The following CFAP54 variants were observed in gnomAD, a reference collection of about 807,000 sequenced individuals.
The protein encoded by CFAP54 is cilia and flagella associated protein 54, also known as cilia- and flagella-associated protein 54.
In CFAP54, 290 loss-of-function variants were observed where a neutral mutation model predicts 370.4. The ratio of observed to expected loss-of-function variants is 0.78; its 90% CI spans 0.71 to 0.86. The LOEUF (loss-of-function observed/expected upper bound fraction) is 0.86, where lower values mean the gene tolerates loss of function less well. CFAP54 is among the 40% of genes least tolerant of loss of function. The probability of loss-of-function intolerance (pLI) is 0.00; values close to 1 mark genes in which losing one functional copy is unlikely to be tolerated. For missense variants in CFAP54, 3,399 were observed against 3,528.7 expected, an observed-to-expected ratio of 0.96 and a Z score of 0.93; for synonymous variants, 1,206 against 1,236.5, an observed-to-expected ratio of 0.98 and a Z score of 0.52.
intron 14 of CFAP54, among the ~76,000 whole-genome samples, chr12:96,544,985 C>T (rs1210025942): frequency 6.6e-6 from 1 of 152,062 alleles, no homozygotes; most frequent in African/African-American, 2.4e-5. Flanking sequence ...GATCTTGGCT[C>T]ACTGCAGCCT....
At chr12:96,544,909 CTTT>C (rs769543854) in intron 14 of CFAP54, among the ~76,000 whole-genome samples, 3 of 142,320 alleles carry the variant, frequency 2.1e-5, no homozygotes, top group Admixed American at 7.0e-5. Context: ...TCTTCCTTTT[CTTT>C]TTTTTTTTTT....
chr12:96,643,856 T>A (rs1363373362), intron 32 of CFAP54, among the ~76,000 whole-genome samples: 2 of 152,202 alleles, frequency 1.3e-5, no homozygotes, highest in African/African-American at 2.4e-5. Context: ...GGACATCATA[T>A]CCTAATTTTG....
intron 67 of CFAP54, 79 bp downstream of exon 67, chr12:96,861,031 A>G: frequency 9.1e-7 from 1 of 1,103,804 alleles, no homozygotes; most frequent in Non-Finnish European, 1.2e-6. Flanking sequence ...TTATAACAAC[A>G]AACATAAAAT....
Position 96,740,029 on chromosome 12 carries a change from G to A in CFAP54, c.7039G>A (p.Asp2347Asn), listed in dbSNP as rs1318105810. ...KLFEKKVVQD[D>N]TENPVSPGTS... Reference sequence around the variant, plus strand: ...TTTTGAAAAGAAGGTAGTACAGGATGACACAGAGAATCCTGTCTCTCCAGG... The same window carrying A: ...TTTTGAAAAGAAGGTAGTACAGGATAACACAGAGAATCCTGTCTCTCCAGG... Residue 2347 changes from aspartate (D) to asparagine (N), a missense_variant, in exon 51 of 68, where the codon GAC becomes AAC. Physicochemically the swap from Asp to Asn is conservative, Grantham distance 23 (BLOSUM62 1). Transcript: ENST00000524981. 6.2e-7 allele frequency: 1 copy of A among 1,604,536 alleles called. No individual in the cohort carries two copies. The highest frequency in any genetic ancestry group is 8.5e-7 in the Non-Finnish European group (1 of 1,172,956).
chr12:96,642,087 AAG>A (rs1565925228), intron 32 of CFAP54, among the ~76,000 whole-genome samples: 1 of 152,142 alleles, frequency 6.6e-6, no homozygotes, highest in African/African-American at 2.4e-5. Flanking sequence ...AAAAAAAGAA[AAG>A]AATGGTATTT....
In CFAP54 at chr12:96,538,411, G is replaced by T. The variant is rs2136385269; in HGVS notation, c.1819G>T (p.Val607Leu). 1 of 1,535,358 alleles carries T rather than the reference G, an allele frequency of 6.5e-7. No individual in the cohort carries two copies. Among genetic ancestry groups the T allele is most frequent in the Admixed American group, 2.0e-5 (1 of 50,898 alleles). Residue 607 changes from valine to leucine, a missense_variant, in exon 13 of 68, where the codon GTG (valine) becomes TTG (leucine). By Grantham distance (32) the Val-to-Leu change is conservative. Transcript: ENST00000524981. ...QDVQPDKEIV[V>L]DTIMFLWQKC... ...TGTTCAACCTGATAAAGAAATTGTT[G>T]TGGACACGATAATGTTCCTATGGCA...
chr12:96,793,641 A>T (rs769848280), intron 63 of CFAP54, among the ~76,000 whole-genome samples: 1 of 152,160 alleles, frequency 6.6e-6, no homozygotes, highest in Non-Finnish European at 1.5e-5. Context: ...ACTGTTTTCC[A>T]TAGTGGTTGT....
At chr12:96,682,439 C>A in intron 40 of CFAP54, 2 of 379,208 alleles carry the variant, frequency 5.3e-6, no homozygotes, top group Non-Finnish European at 7.2e-6. Context: ...GCCATCACAG[C>A]TCACTGTGTG....
At chr12:96,523,521 A>G (rs1169045391) in intron 8 of CFAP54, among the ~76,000 whole-genome samples, 1 of 152,214 alleles carries the variant, frequency 6.6e-6, no homozygotes, top group Non-Finnish European at 1.5e-5. Context: ...TACTGAGCCC[A>G]CAGGTACATT....
chr12:96,781,053 AGAAAG>A (rs1370040246), intron 60 of CFAP54, among the ~76,000 whole-genome samples: 2 of 152,144 alleles, frequency 1.3e-5, no homozygotes, highest in Admixed American at 6.6e-5. Flanking sequence ...TGTAGAAAAA[AGAAAG>A]GAAAGGAGGA....
At chr12:96,632,428 T>C (rs2136477615) in intron 32 of CFAP54, among the ~76,000 whole-genome samples, 1 of 152,164 alleles carries the variant, frequency 6.6e-6, no homozygotes. Context: ...TTTTTGCGTA[T>C]GGTGAGAAGA....
chr12:96,672,546 T>C (rs759838748), intron 39 of CFAP54, among the ~76,000 whole-genome samples: 51 of 152,120 alleles, frequency 3.4e-4, no homozygotes, highest in Middle Eastern at 6.4e-3. Context: ...ATGAGTGAGA[T>C]TGGTGACCGT....
intron 47 of CFAP54, 73 bp from the exon 48 acceptor site, chr12:96,708,534 CA>C: frequency 7.5e-7 from 1 of 1,340,760 alleles, no homozygotes; most frequent in African/African-American, 1.5e-5. Context: ...ATGTGAACTG[CA>C]AAAGAATGAA....
At chr12:96,863,428 CA>C (rs1959927906) in intron 67 of CFAP54, among the ~76,000 whole-genome samples, 1 of 152,086 alleles carries the variant, frequency 6.6e-6, no homozygotes, top group Admixed American at 6.6e-5. Flanking sequence ...GACGAGGAAA[CA>C]AAAACATAAG....
rs73379301 is a variant in CFAP54, at chr12:96,742,962, T to C, written c.7219+376T>C. ...CCAAGCCTTTCTTTGCCAAGTCTCT[T>C]AAATCCCCCTTACTCAGTTTCCTAC... On this transcript the variant is annotated intron_variant, in intron 52 of 67. Coordinates refer to ENST00000524981, the MANE Select transcript of CFAP54 (RefSeq NM_001306084.2). Among the ~76,000 whole-genome samples the C allele has an allele frequency of 4.4e-3, 665 of 152,302 alleles. 7 individuals carry two copies. Among genetic ancestry groups the C allele is most frequent in the African/African-American group, 0.015 (638 of 41,556 alleles).
intron 19 of CFAP54, among the ~76,000 whole-genome samples, chr12:96,569,497 A>G (rs1268888912): frequency 1.3e-5 from 2 of 152,202 alleles, no homozygotes; most frequent in South Asian, 2.1e-4. Context: ...TTACACCATT[A>G]TAACTGTGTT....
chr12:96,588,296 T>C (rs7309787), intron 22 of CFAP54, among the ~76,000 whole-genome samples: 120,104 of 152,052 alleles, frequency 0.79, 47,751 homozygotes, highest in Middle Eastern at 0.83. Context: ...TTAACTGTGC[T>C]GATCTGAATC....
chr12:96,681,751 C>T (rs906873285), intron 40 of CFAP54, among the ~76,000 whole-genome samples: 12 of 151,990 alleles, frequency 7.9e-5, no homozygotes, highest in East Asian at 3.9e-4. Context: ...TATAGACATG[C>T]GCCACCACGC....
At chr12:96,743,617 A>C (rs535485800) in intron 53 of CFAP54, 58 bp downstream of exon 53, 1 of 1,603,318 alleles carries the variant, frequency 6.2e-7, no homozygotes, top group Admixed American at 1.7e-5. Context: ...TTAGAACAAA[A>C]GGAGAGAATT....
Sources: allele counts gnomAD v4.1 joint callset (sites outside exome capture counted in the v4.1 genomes callset), GRCh38; gene constraint gnomAD v4.1.1; transcripts MANE v1.5; gene names NCBI Gene and HGNC (gene_info 2026-07-23, HGNC 2026-07-21).